PPEF1: variants seen among roughly 807,000 people sequenced by gnomAD.
PPEF1 encodes the protein serine/threonine-protein phosphatase with EF-hands 1.
Under a neutral mutation model 53.3 loss-of-function variants are expected in PPEF1, and 12 were observed. The observed-to-expected ratio is 0.23, with a 90% CI of 0.14 to 0.36. PPEF1 has a LOEUF of 0.36. PPEF1 is among the 10% of genes least tolerant of loss of function. The pLI, the probability that PPEF1 is intolerant of heterozygous loss-of-function variation, is 1.00. For synonymous variants in PPEF1, 165 were observed against 176.7 expected (o/e 0.93, Z 0.52); for missense variants, 334 against 490.4 (o/e 0.68, Z 3.01).
chrX:18,770,284 T>A (rs951505592), intron 6 of PPEF1, among the ~76,000 whole-genome samples: 4 of 111,439 alleles, frequency 3.6e-5, no homozygotes, highest in African/African-American at 1.3e-4. Context: ...CCCTTATTAC[T>A]CTAAGACTAA....
chrX:18,686,668 T>C (rs1159446539), intron 3 of PPEF1, among the ~76,000 whole-genome samples: 1 of 110,700 alleles, frequency 9.0e-6, no homozygotes, highest in Non-Finnish European at 1.9e-5. Flanking sequence ...AAAAGGAAAA[T>C]TGTGATTCTA....
rs376557207 is a variant in PPEF1, at chrX:18,798,386, G to A, written c.1066-5506G>A. ...GCAGCATTGAGGAGGCTCCCAAGAG[G>A]GAAATGACTTGATTGAGGTGTCTTG... On this transcript the variant is annotated intron_variant, in intron 10 of 15. Transcript: ENST00000470157. Among the ~76,000 whole-genome samples, 14 of 111,788 alleles carry A rather than the reference G, an allele frequency of 1.3e-4. No homozygotes were observed. In the East Asian group the frequency reaches 1.4e-3, roughly 11 times the overall value.
At chrX:18,802,008 G>T (rs1443110486) in intron 10 of PPEF1, among the ~76,000 whole-genome samples, 1 of 108,186 alleles carries the variant, frequency 9.2e-6, no homozygotes, top group Non-Finnish European at 1.9e-5. Flanking sequence ...GAAAAGAAAA[G>T]AAACATTACA....
chrX:18,820,664 C>T (rs2047016543), intron 13 of PPEF1, among the ~76,000 whole-genome samples: 1 of 110,437 alleles, frequency 9.1e-6, no homozygotes, highest in Non-Finnish European at 1.9e-5. Context: ...GGATTACAAG[C>T]GTGAGCCACC....
intron 10 of PPEF1, 29 bp downstream of exon 10, chrX:18,789,302 G>A: frequency 1.7e-6 from 2 of 1,183,714 alleles, no homozygotes; most frequent in Non-Finnish European, 2.3e-6. Flanking sequence ...CACTGCAGTG[G>A]CAACAATGAC....
chrX:18,808,722 C>G (rs1223513306), intron 12 of PPEF1, among the ~76,000 whole-genome samples: 2 of 111,308 alleles, frequency 1.8e-5, no homozygotes, highest in African/African-American at 6.5e-5. Context: ...CCTCTCTCAC[C>G]GGTTAGAATG....
intron 10 of PPEF1, among the ~76,000 whole-genome samples, chrX:18,794,370 T>A (rs767204939): frequency 5.3e-5 from 6 of 113,222 alleles, no homozygotes; most frequent in African/African-American, 1.9e-4. Flanking sequence ...TTACACTCTG[T>A]GCCAAATAAG....
At chrX:18,684,934 G>A (rs184099672) in intron 2 of PPEF1, among the ~76,000 whole-genome samples, 1 of 111,954 alleles carries the variant, frequency 8.9e-6, no homozygotes, top group East Asian at 2.8e-4. Flanking sequence ...GCAGAGATGT[G>A]CCTAGTTTCT....
chrX:18,733,499 T>C (rs1045991089), intron 2 of PPEF1, among the ~76,000 whole-genome samples: 1 of 111,879 alleles, frequency 8.9e-6, no homozygotes, highest in Non-Finnish European at 1.9e-5. Flanking sequence ...ACTGGGCTGT[T>C]ACACCCTTGC....
At chrX:18,750,378 A>G (rs2045419250) in intron 4 of PPEF1, among the ~76,000 whole-genome samples, 1 of 111,820 alleles carries the variant, frequency 8.9e-6, no homozygotes, top group African/African-American at 3.3e-5. Context: ...GGATTTGCCT[A>G]TTCTAGATAT....
chrX:18,767,559 A>T (rs2045801923), intron 6 of PPEF1, among the ~76,000 whole-genome samples: 2 of 112,106 alleles, frequency 1.8e-5, no homozygotes, highest in African/African-American at 3.2e-5. Flanking sequence ...AAATAAGAAG[A>T]AGTAAAGGGA....
chrX:18,743,446 C>CTTTTTTTTTTTTTTTTTTTTT (rs72264344), intron 3 of PPEF1, among the ~76,000 whole-genome samples: 26 of 59,328 alleles, frequency 4.4e-4, no homozygotes, highest in African/African-American at 1.7e-3. Context: ...TTCTCTTTTT[C>CTTTTTTTTTTTTTTTTTTTTT]TTTTTTTTTT....
intron 4 of PPEF1, 86 bp from the exon 5 acceptor site, chrX:18,757,541 T>A (rs1185076135): frequency 3.0e-6 from 2 of 669,283 alleles, no homozygotes; most frequent in Non-Finnish European, 4.8e-6. Context: ...GAAACGTGCG[T>A]GCTTGCTCCA....
intron 3 of PPEF1, among the ~76,000 whole-genome samples, chrX:18,748,864 C>T (rs1036980898): frequency 2.7e-5 from 3 of 112,085 alleles, no homozygotes; most frequent in African/African-American, 6.5e-5. Flanking sequence ...GTACATAGCA[C>T]TTCCATCACA....
At chrX:18,694,424 C>A (rs1427600064) in intron 4 of PPEF1, among the ~76,000 whole-genome samples, 2 of 110,935 alleles carry the variant, frequency 1.8e-5, no homozygotes. Context: ...CGAGTTGCTC[C>A]ACATTCTAGC....
intron 4 of PPEF1, among the ~76,000 whole-genome samples, chrX:18,752,981 C>T (rs1047532312): frequency 9.0e-6 from 1 of 111,319 alleles, no homozygotes; most frequent in Non-Finnish European, 1.9e-5. Flanking sequence ...AGTGTCTTTG[C>T]CTGGCTTTGG....
intron 8 of PPEF1, among the ~76,000 whole-genome samples, chrX:18,782,779 A>C (rs2046112233): frequency 9.0e-6 from 1 of 110,838 alleles, no homozygotes; most frequent in Non-Finnish European, 1.9e-5. Context: ...ACTGCAAGCC[A>C]CTCTGGGAGA....
chrX:18,790,508 GT>G (rs898995283), intron 10 of PPEF1, among the ~76,000 whole-genome samples: 28 of 110,776 alleles, frequency 2.5e-4, no homozygotes, highest in African/African-American at 9.2e-4. Context: ...CGTGTTTTTG[GT>G]GTTGTATCTA....
At chrX:18,693,577 T>C in intron 4 of PPEF1, among the ~76,000 whole-genome samples, 1 of 112,065 alleles carries the variant, frequency 8.9e-6, no homozygotes, top group Non-Finnish European at 1.9e-5. Context: ...TTTATTTTTA[T>C]TTTTTCGAGA....
Sources: gnomAD v4.1 joint callset for allele counts (sites outside exome capture counted in the v4.1 genomes callset) on GRCh38, gnomAD v4.1.1 for gene constraint, MANE v1.5 for transcripts, NCBI Gene and HGNC (gene_info 2026-07-23, HGNC 2026-07-21) for gene names.